Variants in LYZL4 observed in about 807,000 individuals in gnomAD.
The protein encoded by LYZL4 is lysozyme-like protein 4.
LYZL4 carries 13 observed loss-of-function variants against 17.6 expected under a neutral mutation model. The ratio of observed to expected loss-of-function variants is 0.74; its 90% confidence interval spans 0.48 to 1.18. The LOEUF is 1.18. LYZL4 is among the 50% of genes most tolerant of loss of function. The pLI, the probability that LYZL4 is intolerant of heterozygous loss-of-function variation, is 0.00. For missense variants in LYZL4, 174 were observed against 188.2 expected, an observed-to-expected ratio of 0.92 and a Z score of 0.44; for synonymous variants, 64 against 67.7, an observed-to-expected ratio of 0.95 and a Z score of 0.27.
chr3:42,380,578 G>A, the LYZL4 span, among the ~76,000 whole-genome samples: 2 of 152,150 alleles, frequency 1.3e-5, no homozygotes, highest in Non-Finnish European at 2.9e-5. Context: ...CTCCCTCAGA[G>A]TTTCTGATTC....
At chr3:42,376,341 C>T in the LYZL4 span, among the ~76,000 whole-genome samples, 165 of 152,202 alleles carry the variant, frequency 1.1e-3, no homozygotes, top group African/African-American at 3.8e-3. Flanking sequence ...CCTGGGAAGC[C>T]TGGGGCCATT....
chr3:42,404,302 T>C (rs1282625235), intron 3 of LYZL4, among the ~76,000 whole-genome samples, 178 bp from the exon 4 acceptor site: 1 of 152,228 alleles, frequency 6.6e-6, no homozygotes, highest in Non-Finnish European at 1.5e-5. Flanking sequence ...AGTCATCTTT[T>C]TACCAGATCT....
At chr3:42,404,334 T>G (rs549397539) in intron 3 of LYZL4, among the ~76,000 whole-genome samples, 1 of 152,302 alleles carries the variant, frequency 6.6e-6, no homozygotes, top group Admixed American at 6.5e-5. Flanking sequence ...AACTTGTAAT[T>G]CTTATAAAAT....
Position 42,407,010 on chromosome 3 carries a change from C to T in LYZL4, c.140-12G>A, listed in dbSNP as rs371710827. On this transcript the variant is annotated splice_polypyrimidine_tract_variant and intron_variant, in intron 2 of 4. Transcript: ENST00000287748. ...GGCCAGGCACACCCCTAAGATGGAA[C>T]AGAAGGTGTGTGACTCTGAGGACAG... The T allele has an allele frequency of 2.2e-4, 354 of 1,614,026 alleles. No individual in the cohort carries two copies. The highest frequency in any genetic ancestry group is 2.7e-4 in the Non-Finnish European group (315 of 1,180,016).
At chr3:42,376,287 G>A in the LYZL4 span, among the ~76,000 whole-genome samples, 12 of 152,264 alleles carry the variant, frequency 7.9e-5, no homozygotes, top group South Asian at 2.1e-4. Context: ...CCTGAAGGTG[G>A]GGAAGTAGAG....
chr3:42,390,199 T>C, the LYZL4 span, among the ~76,000 whole-genome samples: 2 of 152,154 alleles, frequency 1.3e-5, no homozygotes, highest in Non-Finnish European at 2.9e-5. Context: ...TTGTAGATAG[T>C]CCTTTTGGAA....
chr3:42,361,170 T>C, the LYZL4 span, among the ~76,000 whole-genome samples: 1 of 152,220 alleles, frequency 6.6e-6, no homozygotes, highest in African/African-American at 2.4e-5. Context: ...GTATGTAACA[T>C]ATGTGTGTAT....
At chr3:42,377,625 CTGTGTGTGTG>C in the LYZL4 span, among the ~76,000 whole-genome samples, 2,798 of 143,626 alleles carry the variant, frequency 0.019, 56 homozygotes, top group Admixed American at 0.056. Context: ...GCATGACTCT[CTGTGTGTGTG>C]TGTGTGTGTG....
chr3:42,368,025 G>A, the LYZL4 span, among the ~76,000 whole-genome samples: 7 of 152,158 alleles, frequency 4.6e-5, no homozygotes, highest in Non-Finnish European at 1.0e-4. Context: ...TTTGCTAGAT[G>A]GGGAAACGGA....
the LYZL4 span, among the ~76,000 whole-genome samples, chr3:42,384,275 T>G: frequency 4.6e-5 from 7 of 152,122 alleles, no homozygotes; most frequent in East Asian, 1.2e-3. Context: ...CTCAAAAAAT[T>G]TCAAGAGTCC....
At chr3:42,392,643 G>T (rs1231388872), downstream of LYZL4, among the ~76,000 whole-genome samples, 1 of 152,166 alleles carries the variant, frequency 6.6e-6, no homozygotes, top group Non-Finnish European at 1.5e-5. Flanking sequence ...GAGGGTGCAT[G>T]CATGACATCA....
the LYZL4 span, among the ~76,000 whole-genome samples, chr3:42,369,232 T>C: frequency 2.1e-5 from 3 of 140,250 alleles, no homozygotes; most frequent in Admixed American, 6.7e-5. Context: ...ACTTTTTTCC[T>C]ATTTTGAAAA....
chr3:42,383,282 G>A, the LYZL4 span, among the ~76,000 whole-genome samples: 1 of 152,092 alleles, frequency 6.6e-6, no homozygotes, highest in Non-Finnish European at 1.5e-5. Context: ...TACTCCAGGT[G>A]GGAGGCTGCA....
At chr3:42,394,910 T>C (rs983819866), downstream of LYZL4, among the ~76,000 whole-genome samples, 2 of 152,310 alleles carry the variant, frequency 1.3e-5, no homozygotes, top group South Asian at 2.1e-4. Flanking sequence ...TGGGTTAAGA[T>C]TGGATTGAGG....
chr3:42,399,603 C>T (rs929924380), intron 4 of LYZL4, among the ~76,000 whole-genome samples: 9 of 152,000 alleles, frequency 5.9e-5, no homozygotes, highest in Non-Finnish European at 1.0e-4. Flanking sequence ...CACTGGGATT[C>T]CATGTGTGTT....
At chr3:42,406,095 C>T (rs62247332) in intron 3 of LYZL4, among the ~76,000 whole-genome samples, 17,612 of 152,126 alleles carry the variant, frequency 0.12, 1,391 homozygotes, top group Non-Finnish European at 0.17. Flanking sequence ...CCTTGGGATG[C>T]CCAGCTCCTG....
the LYZL4 span, among the ~76,000 whole-genome samples, chr3:42,374,874 G>A: frequency 6.6e-6 from 1 of 152,092 alleles, no homozygotes; most frequent in Non-Finnish European, 1.5e-5. Flanking sequence ...CCAGGCTGGA[G>A]TGCAGTGGCA....
the LYZL4 span, among the ~76,000 whole-genome samples, chr3:42,387,616 C>T: frequency 6.2e-4 from 95 of 152,262 alleles, no homozygotes; most frequent in African/African-American, 2.1e-3. Flanking sequence ...ACTCTCCCTG[C>T]TGCCATTGAT....
At position 42,397,205 on chromosome 3, in the gene LYZL4, A is replaced by G. The variant is rs1698562880; in HGVS notation, c.*60T>C. 1 of 1,178,180 alleles carries G rather than the reference A, an allele frequency of 8.5e-7. No individual in the cohort carries two copies. Among genetic ancestry groups the G allele is most frequent in the African/African-American group, 1.5e-5 (1 of 65,440 alleles). The allele number at this position is 1,178,180 out of a possible 1,614,324, so 73.0% of individuals were successfully genotyped here. On this transcript the variant is annotated 3_prime_UTR_variant, in exon 5 of 5. Transcript: ENST00000287748. ...AAAAGGATTGACTGAAGCAGCAAGC[A>G]GAAAAGCACCTTCATTCACAAGATG...
Sources: gnomAD v4.1 joint callset for allele counts (sites outside exome capture counted in the v4.1 genomes callset) on GRCh38, gnomAD v4.1.1 for gene constraint, MANE v1.5 for transcripts, NCBI Gene and HGNC (gene_info 2026-07-23, HGNC 2026-07-21) for gene names.